The following FAM120A variants were observed in gnomAD, a reference collection of about 807,000 sequenced individuals.
The protein encoded by FAM120A is family with sequence similarity 120 member A, also known as constitutive coactivator of PPAR-gamma-like protein 1.
In FAM120A, 15 loss-of-function variants were observed where a neutral mutation model predicts 109.7. The observed-to-expected ratio is 0.14, with a 90% CI of 0.09 to 0.21. The LOEUF (loss-of-function observed/expected upper bound fraction) is 0.21, where lower values mean the gene tolerates loss of function less well. FAM120A is among the 10% of genes least tolerant of loss of function. FAM120A has a pLI of 1.00. For missense variants in FAM120A, 899 were observed against 1,439.3 expected (o/e 0.62, Z 6.07); for synonymous variants, 493 against 572.8 (o/e 0.86, Z 1.99).
chr9:93,475,108 T>G (rs1430067351), intron 2 of FAM120A, among the ~76,000 whole-genome samples: 4 of 152,216 alleles, frequency 2.6e-5, no homozygotes, highest in Non-Finnish European at 4.4e-5. Flanking sequence ...TATTTGCATA[T>G]GCCTAATGAA....
chr9:93,474,231 A>G (rs1858446614), intron 2 of FAM120A, among the ~76,000 whole-genome samples: 1 of 152,074 alleles, frequency 6.6e-6, no homozygotes, highest in Admixed American at 6.6e-5. Context: ...TCTGTTGCCT[A>G]GGCTGGAGTG....
Position 93,558,569 on chromosome 9 carries a change from C to G in FAM120A, c.2669-12C>G. 1.2e-6 allele frequency: 2 copies of G among 1,613,856 alleles called. No homozygotes were observed. Among genetic ancestry groups the G allele is most frequent in the Admixed American group, 1.7e-5 (1 of 60,018 alleles). On this transcript the variant is annotated splice_polypyrimidine_tract_variant and intron_variant, in intron 14 of 17. Transcript: ENST00000277165. ...ACACTTCTCCCCTCTCTCTCTACCC[C>G]GGGTCCCACAGGCGTCTGTGGCTTT...
At chr9:93,482,307 C>A (rs1304872117) in intron 3 of FAM120A, among the ~76,000 whole-genome samples, 3 of 151,812 alleles carry the variant, frequency 2.0e-5, no homozygotes, top group Non-Finnish European at 4.4e-5. Flanking sequence ...CCTGCCTCAG[C>A]CTACCTAGTA....
chr9:93,503,889 A>G (rs1859914087), intron 5 of FAM120A, among the ~76,000 whole-genome samples: 1 of 152,082 alleles, frequency 6.6e-6, no homozygotes, highest in Admixed American at 6.6e-5. Flanking sequence ...TGTGCATTTC[A>G]TGACAGGCAG....
At chr9:93,454,250 A>G (rs974796375) in intron 1 of FAM120A, among the ~76,000 whole-genome samples, 5 of 152,250 alleles carry the variant, frequency 3.3e-5, no homozygotes, top group Admixed American at 2.6e-4. Flanking sequence ...ACCTAGGGTC[A>G]TATTATAGTG....
At chr9:93,562,734 C>T (rs186123106) in intron 17 of FAM120A, among the ~76,000 whole-genome samples, 6 of 150,614 alleles carry the variant, frequency 4.0e-5, no homozygotes, top group Admixed American at 2.0e-4. Context: ...GCACAATCTC[C>T]GCTCACTGCA....
At position 93,488,017 on chromosome 9, in the gene FAM120A, C is replaced by G. The variant is rs189227725; in HGVS notation, c.805-9454C>G. Among the ~76,000 whole-genome samples, 736 of 152,252 alleles carry G rather than the reference C, an allele frequency of 4.8e-3. 7 individuals carry two copies. Among genetic ancestry groups the G allele is most frequent in the African/African-American group, 0.017 (705 of 41,544 alleles). On this transcript the variant is annotated intron_variant, in intron 3 of 17. Coordinates refer to ENST00000277165, the MANE Select transcript of FAM120A (RefSeq NM_014612.5). ...GAATATTGACACCTTCAGGCATGGT[C>G]TTCCTCAACTTCTCTTTCCTCATAT...
At chr9:93,558,775 T>G in intron 15 of FAM120A, 57 bp downstream of exon 15, 1 of 1,590,254 alleles carries the variant, frequency 6.3e-7, no homozygotes, top group South Asian at 1.1e-5. Flanking sequence ...CTTCGCTCCA[T>G]CGTCTGGCGC....
intron 12 of FAM120A, among the ~76,000 whole-genome samples, chr9:93,553,881 T>C (rs947108213): frequency 1.3e-5 from 2 of 152,130 alleles, no homozygotes; most frequent in Admixed American, 6.5e-5. Flanking sequence ...TTAAATGTTA[T>C]TATTTATATA....
At chr9:93,546,560 G>A (rs1861899599) in intron 11 of FAM120A, among the ~76,000 whole-genome samples, 1 of 152,240 alleles carries the variant, frequency 6.6e-6, no homozygotes, top group African/African-American at 2.4e-5. Flanking sequence ...GGACAGGGAA[G>A]AGGCCATGCA....
rs1034930401 is a variant in FAM120A at position 93,453,037 on chromosome 9, A to G, written c.474+648A>G. 23 of 1,145,398 alleles carry G rather than the reference A, an allele frequency of 2.0e-5. No homozygotes were observed. In the African/African-American group the frequency reaches 3.7e-4, roughly 18 times the overall value. 71.0% of individuals were successfully genotyped at this position (1,145,398 alleles called of 1,614,324 possible). A position where few individuals can be genotyped will look rare whatever the true frequency, so the allele number is the denominator to read the frequency against. The stretch of plus-strand genomic sequence containing the variant: ...CTATGGCTTTTTGTGTTAGATTTCA[A>G]AGACCCGTGCACTTTGACAGGATGG... On this transcript the variant is annotated intron_variant, in intron 1 of 17. Transcript: ENST00000277165.
chr9:93,561,287 TAAAGA>T, intron 16 of FAM120A, 37 bp downstream of exon 16: 1 of 1,560,458 alleles, frequency 6.4e-7, no homozygotes, highest in Non-Finnish European at 8.6e-7. Flanking sequence ...TTTGTATAAG[TAAAGA>T]AAACAGCTTC....
chr9:93,531,773 A>G (rs1421219268), intron 9 of FAM120A, among the ~76,000 whole-genome samples: 1 of 152,224 alleles, frequency 6.6e-6, no homozygotes, highest in Non-Finnish European at 1.5e-5. Context: ...GAAAATTTTC[A>G]ATTATATTGC....
At position 93,497,538 on chromosome 9, in the gene FAM120A, G is replaced by A. The variant is rs140702495; in HGVS notation, c.872G>A (p.Arg291His). Residue 291 changes from arginine to histidine, a missense_variant, in exon 4 of 18, where the codon CGC becomes CAC. Physicochemically the swap from Arg to His is conservative, Grantham distance 29. Coordinates refer to ENST00000277165, the MANE Select transcript of FAM120A (RefSeq NM_014612.5). The part of the protein sequence containing the change: ...VVIKAVADYV[R>H]NIQDTSDLDA... ...ATCAAAGCCGTTGCTGACTATGTAC[G>A]CAACATTCAGGACACCTCTGACTTG... The A allele has an allele frequency of 8.1e-6, 13 of 1,613,284 alleles. No individual in the cohort carries two copies. The highest frequency in any genetic ancestry group is 2.2e-5 in the East Asian group (1 of 44,878).
At chr9:93,558,942 A>T (rs1192179878) in intron 15 of FAM120A, among the ~76,000 whole-genome samples, 2 of 152,116 alleles carry the variant, frequency 1.3e-5, no homozygotes, top group Non-Finnish European at 2.9e-5. Flanking sequence ...TTCAGGGTAG[A>T]CCACTGAGTG....
At chr9:93,479,790 C>G (rs550746240) in intron 3 of FAM120A, among the ~76,000 whole-genome samples, 1 of 152,158 alleles carries the variant, frequency 6.6e-6, no homozygotes, top group African/African-American at 2.4e-5. Flanking sequence ...TTCATTCATT[C>G]ACTGTAAATT....
At chr9:93,503,354 C>T (rs142899681) in intron 5 of FAM120A, among the ~76,000 whole-genome samples, 1 of 152,068 alleles carries the variant, frequency 6.6e-6, no homozygotes, top group Admixed American at 6.6e-5. Context: ...AGTAGGTCAA[C>T]AGGGAAATAA....
chr9:93,513,306 T>C (rs1446758317), intron 5 of FAM120A, among the ~76,000 whole-genome samples: 16 of 152,226 alleles, frequency 1.1e-4, no homozygotes, highest in Non-Finnish European at 2.1e-4. Context: ...GTATTGTCTG[T>C]GCCATGCGTG....
At position 93,547,077 on chromosome 9, in the gene FAM120A, C is replaced by T. The variant is rs184956970; in HGVS notation, c.2160-3500C>T. On this transcript the variant is annotated intron_variant, in intron 11 of 17. Coordinates refer to ENST00000277165, the MANE Select transcript of FAM120A (RefSeq NM_014612.5). ...AATATCAGTCAAATCTCTAGAATCC[C>T]TGATAGCAGAGACGGGGGATGGAGT... Among the ~76,000 whole-genome samples the T allele has an allele frequency of 3.7e-3, 564 of 152,286 alleles. 11 individuals carry two copies. Among genetic ancestry groups the T allele is most frequent in the Non-Finnish European group, 5.1e-3 (349 of 68,024 alleles).
Sources: gnomAD v4.1 joint callset for allele counts (sites outside exome capture counted in the v4.1 genomes callset) on GRCh38, gnomAD v4.1.1 for gene constraint, MANE v1.5 for transcripts, NCBI Gene and HGNC (gene_info 2026-07-23, HGNC 2026-07-21) for gene names.